Variants in ST18 observed in about 807,000 individuals in gnomAD.
ST18 encodes the protein ST18 C2H2C-type zinc finger transcription factor.
A neutral mutation model predicts 110.0 loss-of-function variants in ST18; 50 were observed. That is an observed-to-expected ratio of 0.45 (90% CI 0.36 to 0.58). The LOEUF (loss-of-function observed/expected upper bound fraction) is 0.58, where lower values mean the gene tolerates loss of function less well. Among genes scored for constraint, ST18 ranks in the 20% least tolerant of loss-of-function variants. The pLI, the probability that ST18 is intolerant of heterozygous loss-of-function variation, is 0.00. For synonymous variants in ST18, 461 were observed against 452.4 expected (o/e 1.02, Z -0.24); for missense variants, 1,306 against 1,280.1 (o/e 1.02, Z -0.31).
intron 14 of ST18, among the ~76,000 whole-genome samples, 163 bp from the exon 15 acceptor site, chr8:52,159,272 G>A (rs183048172): frequency 8.5e-5 from 13 of 152,226 alleles, no homozygotes; most frequent in African/African-American, 2.2e-4. Context: ...TATCCAGACC[G>A]GTTTTCACAG....
At position 52,113,113 on chromosome 8, in the gene ST18, C is replaced by T. The variant is rs60297686; in HGVS notation, c.*85G>A. On this transcript the variant is annotated 3_prime_UTR_variant, in exon 26 of 26. Coordinates refer to ENST00000689386, the MANE Select transcript of ST18 (RefSeq NM_001352837.2). ...TGTAAATGCAGTACGGCAACCTCCA[C>T]GCCTTAGCAGTACATGAACCTCTAA... 2.9e-3 allele frequency: 4,403 copies of T among 1,518,622 alleles called. 104 individuals carry two copies. The African/African-American group carries it at 0.054, about 19-fold the overall frequency. 94.1% of individuals were successfully genotyped at this position (1,518,622 alleles called of 1,614,324 possible).
intron 2 of ST18, among the ~76,000 whole-genome samples, chr8:52,398,326 A>G (rs1190260002): frequency 1.3e-5 from 2 of 152,140 alleles, no homozygotes; most frequent in African/African-American, 4.8e-5. Context: ...TGTGGAATCT[A>G]CGGGGCTTTC....
chr8:52,165,330 CAT>C (rs1386435929), intron 11 of ST18, 105 bp from the exon 12 acceptor site: 87 of 1,041,772 alleles, frequency 8.4e-5, no homozygotes, highest in Non-Finnish European at 3.7e-5. Context: ...TCAGTTCCAT[CAT>C]CCACCATGCT....
chr8:52,404,049 A>T (rs1180459452), intron 2 of ST18: 1 of 152,212 alleles, frequency 6.6e-6, no homozygotes, highest in African/African-American at 2.4e-5. Flanking sequence ...CTACCAGATA[A>T]ATCACACTGA....
At chr8:52,269,096 A>G (rs1250361095) in intron 2 of ST18, among the ~76,000 whole-genome samples, 1 of 152,216 alleles carries the variant, frequency 6.6e-6, no homozygotes, top group Non-Finnish European at 1.5e-5. Context: ...TAGACTACCC[A>G]GGATATTCTT....
At chr8:52,304,534 A>G (rs2095783643) in intron 2 of ST18, among the ~76,000 whole-genome samples, 1 of 152,242 alleles carries the variant, frequency 6.6e-6, no homozygotes, top group African/African-American at 2.4e-5. Flanking sequence ...TAAGAAAGAT[A>G]CATACATAAA....
chr8:52,367,927 T>G lies in ST18; in HGVS notation c.-465+41401A>C, dbSNP rs1828778783. On this transcript the variant is annotated intron_variant, in intron 2 of 25. Coordinates refer to ENST00000689386, the MANE Select transcript of ST18 (RefSeq NM_001352837.2). ...AGTATTTTGATTGACTTTGTAAAAA[T>G]TAGTAGTCTAGTGAAGCTTATGGAC... Among the ~76,000 whole-genome samples the G allele has an allele frequency of 1.3e-5, 2 of 152,208 alleles. 1 individual carries two copies. The highest frequency in any genetic ancestry group is 2.9e-5 in the Non-Finnish European group (2 of 68,036).
intron 2 of ST18, among the ~76,000 whole-genome samples, chr8:52,399,995 T>C (rs1399589738): frequency 6.6e-6 from 1 of 152,100 alleles, no homozygotes; most frequent in East Asian, 1.9e-4. Flanking sequence ...TATCCATTGA[T>C]GAAAGGGGGG....
At chr8:52,191,444 A>G (rs2074435927) in intron 8 of ST18, among the ~76,000 whole-genome samples, 1 of 152,156 alleles carries the variant, frequency 6.6e-6, no homozygotes, top group African/African-American at 2.4e-5. Context: ...AAGGTCCAAA[A>G]TTCGGCTGAA....
Position 52,136,522 on chromosome 8 carries a change from A to G in ST18, c.2300+68T>C, listed in dbSNP as rs2052394920. 4 of 1,465,066 alleles carry G rather than the reference A, an allele frequency of 2.7e-6. No individual in the cohort carries two copies. In the South Asian group the frequency reaches 3.6e-5, roughly 13 times the overall value. The allele number at this position is 1,465,066 out of a possible 1,614,324, so 90.8% of individuals were successfully genotyped here. A position where few individuals can be genotyped will look rare whatever the true frequency, so the allele number is the denominator to read the frequency against. On this transcript the variant is annotated intron_variant, in intron 19 of 25. Transcript: ENST00000689386. ...TTGTTGCTGATCACTTGGGCAATGA[A>G]TGGGCACTGAACGAGAGGGTCCTAC...
chr8:52,180,156 A>C lies in ST18; in HGVS notation c.243T>G (p.Asp81Glu). ...AGTGACCATGTGTTTCCAAGGGGCC[A>C]TCGTCCTCTGTCCTGTCACTGCGGT... Reference protein sequence around the residue: ...QEDRSDRTEDDGPLETHGHST... With the variant: ...QEDRSDRTEDEGPLETHGHST... Residue 81 changes from aspartate (D) to glutamate (E), a missense_variant, in exon 9 of 26, where the codon GAT becomes GAG. Transcript: ENST00000689386. 1 of 1,614,076 alleles carries C rather than the reference A, an allele frequency of 6.2e-7. No homozygotes were observed. The highest frequency in any genetic ancestry group is 8.5e-7 in the Non-Finnish European group (1 of 1,180,014).
chr8:52,200,072 C>A (rs1161409526), intron 8 of ST18, among the ~76,000 whole-genome samples: 1 of 152,086 alleles, frequency 6.6e-6, no homozygotes, highest in East Asian at 1.9e-4. Flanking sequence ...ACTCAGAACA[C>A]ATTTATTCAG....
intron 2 of ST18, among the ~76,000 whole-genome samples, chr8:52,330,809 C>A (rs16917705): frequency 0.15 from 23,511 of 152,216 alleles, 2,067 homozygotes; most frequent in African/African-American, 0.25. Context: ...TAGAAACGGG[C>A]TCCTTGCTGC....
At chr8:52,239,080 C>G (rs147172903) in intron 2 of ST18, among the ~76,000 whole-genome samples, 1 of 151,742 alleles carries the variant, frequency 6.6e-6, no homozygotes, top group Non-Finnish European at 1.5e-5. Context: ...GTGAAAGAAG[C>G]CAGGCAAAAA....
intron 2 of ST18, among the ~76,000 whole-genome samples, chr8:52,363,399 T>C (rs1199958454): frequency 2.0e-5 from 3 of 152,224 alleles, no homozygotes; most frequent in Non-Finnish European, 2.9e-5. Flanking sequence ...TGTTTCCTTT[T>C]AGTCTTTCAC....
intron 2 of ST18, among the ~76,000 whole-genome samples, chr8:52,352,140 G>GC (rs973951628): frequency 1.3e-5 from 2 of 152,122 alleles, no homozygotes; most frequent in African/African-American, 4.8e-5. Context: ...CAGAGCACCT[G>GC]CCCCCCACTT....
chr8:52,114,336 C>T (rs1473683410), intron 25 of ST18, among the ~76,000 whole-genome samples: 2 of 152,016 alleles, frequency 1.3e-5, no homozygotes, highest in Admixed American at 6.6e-5. Context: ...AGAGCACATG[C>T]TGGATACATG....
intron 12 of ST18, 77 bp downstream of exon 12, chr8:52,165,058 T>C: frequency 7.2e-7 from 1 of 1,395,228 alleles, no homozygotes; most frequent in Non-Finnish European, 1.0e-6. Flanking sequence ...CACACATTGG[T>C]AACCCATTAT....
At chr8:52,173,705 G>C (rs1476203464) in intron 9 of ST18, among the ~76,000 whole-genome samples, 1 of 151,822 alleles carries the variant, frequency 6.6e-6, no homozygotes, top group Non-Finnish European at 1.5e-5. Flanking sequence ...TAGGAGGACT[G>C]TTTCTGTGTC....
Sources: allele counts gnomAD v4.1 joint callset (sites outside exome capture counted in the v4.1 genomes callset), GRCh38; gene constraint gnomAD v4.1.1; transcripts MANE v1.5; gene names NCBI Gene and HGNC (gene_info 2026-07-23, HGNC 2026-07-21).